The following GNAQ variants were observed in gnomAD, a reference collection of about 807,000 sequenced individuals.
GNAQ encodes G protein subunit alpha q, also known as guanine nucleotide-binding protein G(q) subunit alpha.
A neutral mutation model predicts 43.9 loss-of-function variants in GNAQ; 8 were observed. The observed-to-expected ratio is 0.18, with a 90% CI of 0.11 to 0.33. The LOEUF is 0.33. GNAQ is among the 10% of genes least tolerant of loss of function. GNAQ has a pLI of 1.00. For synonymous variants in GNAQ, 155 were observed against 170.7 expected (o/e 0.91, Z 0.71); for missense variants, 158 against 450.8 (o/e 0.35, Z 5.88).
At position 77,799,897 on chromosome 9, in the gene GNAQ, G is replaced by A. The variant is rs1193453510; in HGVS notation, c.477-2249C>T. Among the ~76,000 whole-genome samples the A allele has an allele frequency of 4.6e-5, 7 of 152,156 alleles. 1 individual carries two copies. Among genetic ancestry groups the A allele is most frequent in the African/African-American group, 1.7e-4 (7 of 41,434 alleles). ...AGCTCCAATTATTATAAAACTGGCTGGAAGACAAATAGAGGGAGGCTGGGA... is the reference window on the plus strand; with the variant it reads ...AGCTCCAATTATTATAAAACTGGCTAGAAGACAAATAGAGGGAGGCTGGGA... On this transcript the variant is annotated intron_variant, in intron 3 of 6. Transcript: ENST00000286548.
intron 1 of GNAQ, among the ~76,000 whole-genome samples, chr9:77,968,581 T>C (rs1270722165): frequency 5.9e-5 from 9 of 152,236 alleles, no homozygotes; most frequent in Non-Finnish European, 2.9e-5. Context: ...AGTGACATTC[T>C]ATGTATTGAA....
chr9:77,762,348 G>T (rs1361678417), intron 5 of GNAQ, among the ~76,000 whole-genome samples: 2 of 145,372 alleles, frequency 1.4e-5, no homozygotes, highest in Non-Finnish European at 3.0e-5. Flanking sequence ...GAGGTGAGGG[G>T]CGCCTCTGCC....
intron 2 of GNAQ, among the ~76,000 whole-genome samples, chr9:77,884,536 C>T (rs1219360822): frequency 6.6e-6 from 1 of 152,194 alleles, no homozygotes; most frequent in Admixed American, 6.5e-5. Context: ...AGTTAGGAAT[C>T]TGAGTTAGGA....
intron 2 of GNAQ, among the ~76,000 whole-genome samples, chr9:77,845,118 C>A (rs566123053): frequency 1.3e-5 from 2 of 152,034 alleles, no homozygotes; most frequent in African/African-American, 4.8e-5. Flanking sequence ...TACTGTAACT[C>A]GTTGGAAATA....
At chr9:77,922,417 C>A in intron 1 of GNAQ, 72 bp from the exon 2 acceptor site, 1 of 1,069,888 alleles carries the variant, frequency 9.3e-7, no homozygotes, top group South Asian at 1.4e-5. Flanking sequence ...AAACCAAATA[C>A]CATGCCTTGG....
intron 3 of GNAQ, among the ~76,000 whole-genome samples, chr9:77,814,075 A>T (rs965231164): frequency 1.3e-5 from 2 of 152,180 alleles, no homozygotes; most frequent in Non-Finnish European, 2.9e-5. Flanking sequence ...GACAGCAGCA[A>T]CATGGGGAGA....
chr9:77,733,886 T>C (rs1250987912), intron 5 of GNAQ, among the ~76,000 whole-genome samples: 2 of 152,214 alleles, frequency 1.3e-5, no homozygotes, highest in South Asian at 4.1e-4. Context: ...GAAATCTTTA[T>C]AGATGAATCA....
At chr9:77,948,214 A>G (rs905982184) in intron 1 of GNAQ, among the ~76,000 whole-genome samples, 5 of 152,262 alleles carry the variant, frequency 3.3e-5, no homozygotes, top group African/African-American at 4.8e-5. Context: ...AATTAACAAA[A>G]TAGTGCCTAT....
intron 5 of GNAQ, among the ~76,000 whole-genome samples, chr9:77,734,501 A>C (rs1235239414): frequency 8.5e-6 from 1 of 117,698 alleles, no homozygotes; most frequent in Non-Finnish European, 2.1e-5. Flanking sequence ...CATTCATAAC[A>C]ATCATCACTG....
intron 2 of GNAQ, among the ~76,000 whole-genome samples, chr9:77,826,817 G>C (rs975220190): frequency 1.4e-4 from 21 of 152,176 alleles, no homozygotes; most frequent in Non-Finnish European, 3.1e-4. Context: ...TCAGTAAACA[G>C]AAACAATCCT....
chr9:77,856,155 A>G (rs1827751059), intron 2 of GNAQ, among the ~76,000 whole-genome samples: 1 of 152,200 alleles, frequency 6.6e-6, no homozygotes, highest in South Asian at 2.1e-4. Context: ...TACTTTCATT[A>G]TCTGACTGAT....
chr9:77,736,906 A>C (rs1408386045), intron 5 of GNAQ, among the ~76,000 whole-genome samples: 1 of 152,216 alleles, frequency 6.6e-6, no homozygotes, highest in Non-Finnish European at 1.5e-5. Context: ...ACCTCCTTTC[A>C]AAGTCTACTG....
chr9:77,791,432 T>C (rs1303887590), intron 5 of GNAQ, among the ~76,000 whole-genome samples: 1 of 152,204 alleles, frequency 6.6e-6, no homozygotes, highest in Non-Finnish European at 1.5e-5. Context: ...GTGGATTCCA[T>C]GCTGGTGTGT....
chr9:77,962,401 A>T, intron 1 of GNAQ, among the ~76,000 whole-genome samples: 1 of 152,216 alleles, frequency 6.6e-6, no homozygotes, highest in East Asian at 1.9e-4. Flanking sequence ...AAAACCAGTA[A>T]CAGAGAGAAA....
chr9:77,949,405 T>A (rs1441971845), intron 1 of GNAQ, among the ~76,000 whole-genome samples: 1 of 152,182 alleles, frequency 6.6e-6, no homozygotes, highest in Non-Finnish European at 1.5e-5. Flanking sequence ...AGAATTCAAA[T>A]TCTGAATCTC....
intron 6 of GNAQ, 96 bp from the exon 7 acceptor site, chr9:77,721,609 A>T: frequency 1.3e-6 from 1 of 762,526 alleles, no homozygotes; most frequent in Non-Finnish European, 2.2e-6. Context: ...TTGCTCATGA[A>T]GCCTACATCT....
chr9:77,803,329 T>C (rs971990584), intron 3 of GNAQ, among the ~76,000 whole-genome samples: 1 of 152,246 alleles, frequency 6.6e-6, no homozygotes, highest in Non-Finnish European at 1.5e-5. Context: ...CTTTAGGTCC[T>C]GGCTAGAGAA....
intron 2 of GNAQ, among the ~76,000 whole-genome samples, chr9:77,899,532 T>C (rs965219163): frequency 6.8e-6 from 1 of 147,004 alleles, no homozygotes; most frequent in Non-Finnish European, 1.5e-5. Context: ...ACACAGGCAT[T>C]ATTCAAAGAA....
intron 1 of GNAQ, 139 bp downstream of exon 1, chr9:78,030,961 G>A (rs1275025819): frequency 4.4e-6 from 2 of 455,870 alleles, no homozygotes; most frequent in Non-Finnish European, 7.0e-6. Context: ...GGTGAAGGCA[G>A]TGGCCGGGGG....
Sources: gnomAD v4.1 joint callset for allele counts (sites outside exome capture counted in the v4.1 genomes callset) on GRCh38, gnomAD v4.1.1 for gene constraint, MANE v1.5 for transcripts, NCBI Gene and HGNC (gene_info 2026-07-23, HGNC 2026-07-21) for gene names.